Variants in TNPO1 observed in about 807,000 individuals in gnomAD.
TNPO1 encodes the protein transportin-1.
TNPO1 carries 8 observed loss-of-function variants against 119.5 expected under a neutral mutation model. That is an observed-to-expected ratio of 0.07 (90% CI 0.04 to 0.12). The LOEUF is 0.12. Among genes scored for constraint, TNPO1 ranks in the 10% least tolerant of loss-of-function variants. TNPO1 has a pLI of 1.00. For synonymous variants in TNPO1, 362 were observed against 363.0 expected, an observed-to-expected ratio of 1.00 and a Z score of 0.03; for missense variants, 576 against 1,089.8, an observed-to-expected ratio of 0.53 and a Z score of 6.64.
At chr5:72,900,203 G>A in intron 21 of TNPO1, 122 bp downstream of exon 21, 1 of 807,690 alleles carries the variant, frequency 1.2e-6, no homozygotes, top group Non-Finnish European at 2.0e-6. Context: ...TGCCAACCAT[G>A]TGACTAATCT....
chr5:72,850,119 G>T (rs969324769), intron 2 of TNPO1, among the ~76,000 whole-genome samples: 5 of 152,100 alleles, frequency 3.3e-5, no homozygotes, highest in African/African-American at 9.7e-5. Context: ...GTTTCAGAGT[G>T]CCTTATTTTG....
intron 14 of TNPO1, 36 bp downstream of exon 14, chr5:72,889,993 G>T (rs755911732): frequency 6.3e-7 from 1 of 1,590,110 alleles, no homozygotes; most frequent in Non-Finnish European, 8.6e-7. Flanking sequence ...GGAAAATAAT[G>T]TGTAGCATAG....
chr5:72,868,459 A>AAAC (rs1747117985), intron 6 of TNPO1, among the ~76,000 whole-genome samples: 1 of 109,304 alleles, frequency 9.1e-6, no homozygotes, highest in Non-Finnish European at 2.3e-5. Context: ...AAAAAAAAAA[A>AAAC]CACAAAATAA....
In TNPO1 at chr5:72,893,477, A is replaced by C; in HGVS notation, c.1997A>C (p.Asn666Thr). ...GGCCTGGCTGAAGGACTTGGAGGCA[A>C]CATTGAACAGCTGGTAGCCCGAAGT... ...LSGLAEGLGG[N>T]IEQLVARSNI... Residue 666 changes from asparagine to threonine, a missense_variant, in exon 17 of 25, where the codon AAC becomes ACC. By Grantham distance (65) the Asn-to-Thr change is moderately conservative (BLOSUM62 0). Around this residue, in one of 6 missense-constraint regions of TNPO1, gnomAD observed 162 missense variants for 294.1 expected, o/e 0.55. Coordinates refer to ENST00000337273, the MANE Select transcript of TNPO1 (RefSeq NM_002270.4). The C allele has an allele frequency of 6.2e-7, 1 of 1,614,244 alleles. No homozygotes were observed.
At chr5:72,841,810 T>G (rs1744928410) in intron 1 of TNPO1, among the ~76,000 whole-genome samples, 1 of 152,172 alleles carries the variant, frequency 6.6e-6, no homozygotes, top group African/African-American at 2.4e-5. Flanking sequence ...ATTCTTTAAA[T>G]AGCATGCTCT....
At chr5:72,907,953 C>T (rs1750288078) in intron 24 of TNPO1, among the ~76,000 whole-genome samples, 1 of 151,922 alleles carries the variant, frequency 6.6e-6, no homozygotes. Context: ...ACTCAGGAGA[C>T]TGGGCAGGAG....
chr5:72,827,702 C>A (rs1301048489), intron 1 of TNPO1, among the ~76,000 whole-genome samples: 2 of 151,974 alleles, frequency 1.3e-5, no homozygotes, highest in African/African-American at 4.8e-5. Context: ...AGAAGGGAAT[C>A]AAGAGTTTTG....
In TNPO1 at chr5:72,861,878, T is replaced by C. The variant is rs1746482771; in HGVS notation, c.426T>C (p.Cys142=). ...QNWPDLLPKL[C]SLLDSEDYNT... The stretch of plus-strand genomic sequence containing the variant: ...GGCCTGACCTCTTACCAAAACTCTG[T>C]AGCCTGTTGGATTCTGAAGATTATA... The change falls in exon 5 of 25, where the codon TGT becomes TGC. Residue 142 remains cysteine, a synonymous_variant. Coordinates refer to ENST00000337273, the MANE Select transcript of TNPO1 (RefSeq NM_002270.4). 1 of 1,613,518 alleles carries C rather than the reference T, an allele frequency of 6.2e-7. No homozygotes were observed. Among genetic ancestry groups the C allele is most frequent in the Admixed American group, 1.7e-5 (1 of 60,028 alleles).
At position 72,876,150 on chromosome 5, in the gene TNPO1, T is replaced by C. The variant is rs915792754; in HGVS notation, c.801+413T>C. Among the ~76,000 whole-genome samples, 18 of 152,244 alleles carry C rather than the reference T, an allele frequency of 1.2e-4. No individual in the cohort carries two copies. The Middle Eastern group carries it at 9.5e-3, about 80-fold the overall frequency. On this transcript the variant is annotated intron_variant, in intron 8 of 24. Coordinates refer to ENST00000337273, the MANE Select transcript of TNPO1 (RefSeq NM_002270.4). ...GACTGATTGAAAGTTTAGTGTTAAC[T>C]AAAGTGAAGAAATTTTATCAGTTGC...
At position 72,885,865 on chromosome 5, in the gene TNPO1, A is replaced by C. The variant is rs72764816; in HGVS notation, c.1151-1205A>C. 4.7e-3 allele frequency among the ~76,000 whole-genome samples: 721 copies of C among 152,138 alleles called. 12 individuals are homozygous for C. Among genetic ancestry groups the C allele is most frequent in the South Asian group, 0.04 (195 of 4,820 alleles). ...TTAGTCCATTTTGTACTACTATAACAGGATACCTGAAGTTCAGAATGGAGG... is the reference window on the plus strand; with the variant it reads ...TTAGTCCATTTTGTACTACTATAACCGGATACCTGAAGTTCAGAATGGAGG... On this transcript the variant is annotated intron_variant, in intron 11 of 24. Coordinates refer to ENST00000337273, the MANE Select transcript of TNPO1 (RefSeq NM_002270.4).
chr5:72,877,776 T>TG (rs1379651894), intron 9 of TNPO1, among the ~76,000 whole-genome samples: 9 of 152,138 alleles, frequency 5.9e-5, no homozygotes, highest in Non-Finnish European at 7.4e-5. Context: ...TATAAGCTCG[T>TG]GGGAAAAAAC....
chr5:72,864,834 C>G, intron 5 of TNPO1, among the ~76,000 whole-genome samples: 1 of 152,010 alleles, frequency 6.6e-6, no homozygotes, highest in East Asian at 1.9e-4. Flanking sequence ...GTCTTGAACT[C>G]CTGACCTCAG....
rs1230440161 is a variant in TNPO1, at chr5:72,909,354, G to A, written c.*681G>A. The A allele has an allele frequency of 6.6e-6, 1 of 150,400 alleles. No homozygotes were observed. Among genetic ancestry groups the A allele is most frequent in the East Asian group, 2.0e-4 (1 of 5,036 alleles). The allele number at this position is 150,400 out of a possible 1,614,324, so 9.3% of individuals were successfully genotyped here. A position where few individuals can be genotyped will look rare whatever the true frequency, so the allele number is the denominator to read the frequency against. ...AAGCACCCTGTGAAATGCCAAATGA[G>A]TCACTCCTTTTACCTTTTTTGGGGT... is the stretch of plus-strand genomic sequence containing the variant. On this transcript the variant is annotated 3_prime_UTR_variant, in exon 25 of 25. Transcript: ENST00000337273.
At chr5:72,888,760 A>C (rs1018452982) in intron 13 of TNPO1, among the ~76,000 whole-genome samples, 2 of 152,210 alleles carry the variant, frequency 1.3e-5, no homozygotes, top group Admixed American at 1.3e-4. Context: ...CAGGTCAACC[A>C]CCATAACTCA....
At chr5:72,900,733 T>A (rs965383394) in intron 21 of TNPO1, 5 of 295,056 alleles carry the variant, frequency 1.7e-5, no homozygotes, top group African/African-American at 1.1e-4. Flanking sequence ...TCAAATTAGT[T>A]ATCTACTTTA....
At position 72,911,342 on chromosome 5, in the gene TNPO1, A is replaced by T. The variant is rs1750550800; in HGVS notation, c.*2669A>T. 1.3e-5 allele frequency: 2 copies of T among 152,328 alleles called. No homozygotes were observed. Among genetic ancestry groups the T allele is most frequent in the African/African-American group, 4.8e-5 (2 of 41,414 alleles). 9.4% of individuals were successfully genotyped at this position (152,328 alleles called of 1,614,324 possible). ...GACTTTTTTTTTTTATTTAAATGAA[A>T]TTTAATTTGAAAATAGAAAATAAAA... On this transcript the variant is annotated 3_prime_UTR_variant, in exon 25 of 25. Transcript: ENST00000337273.
chr5:72,887,358 C>T, intron 12 of TNPO1, 136 bp downstream of exon 12: 2 of 973,490 alleles, frequency 2.1e-6, no homozygotes, highest in Non-Finnish European at 2.9e-6. Context: ...CGTCTTCTAA[C>T]CCCAGCTAGA....
chr5:72,902,090 G>A (rs1224092174), intron 22 of TNPO1, among the ~76,000 whole-genome samples: 1 of 151,012 alleles, frequency 6.6e-6, no homozygotes, highest in African/African-American at 2.4e-5. Flanking sequence ...AAAAAAAAAT[G>A]TAGTTGAGGG....
chr5:72,868,459 A>ACC (rs1747118588), intron 6 of TNPO1, among the ~76,000 whole-genome samples: 1 of 109,304 alleles, frequency 9.1e-6, no homozygotes. Flanking sequence ...AAAAAAAAAA[A>ACC]CACAAAATAA....
Sources: allele counts gnomAD v4.1 joint callset (sites outside exome capture counted in the v4.1 genomes callset), GRCh38; gene constraint gnomAD v4.1.1; regional missense constraint gnomAD v4.1.1; transcripts MANE v1.5; gene names NCBI Gene and HGNC (gene_info 2026-07-23, HGNC 2026-07-21).